Variants in SMAP1 observed in about 807,000 individuals in gnomAD.
SMAP1 encodes stromal membrane-associated protein 1.
Under a neutral mutation model 58.5 loss-of-function variants are expected in SMAP1, and 24 were observed. That is an observed-to-expected ratio of 0.41 (90% CI 0.30 to 0.58). The LOEUF (loss-of-function observed/expected upper bound fraction) is 0.58. SMAP1 is among the 20% of genes least tolerant of loss of function. The probability of loss-of-function intolerance (pLI) is 0.29; values close to 1 mark genes in which losing one functional copy is unlikely to be tolerated. For synonymous variants in SMAP1, 216 were observed against 196.6 expected, an observed-to-expected ratio of 1.10 and a Z score of -0.82; for missense variants, 563 against 566.3, an observed-to-expected ratio of 0.99 and a Z score of 0.06.
At chr6:70,669,816 C>T (rs1766190153) in intron 1 of SMAP1, among the ~76,000 whole-genome samples, 1 of 152,214 alleles carries the variant, frequency 6.6e-6, no homozygotes, top group Admixed American at 6.5e-5. Flanking sequence ...AACCTTCCTT[C>T]ATCTACAGAC....
chr6:70,686,959 T>C (rs932064750), intron 1 of SMAP1, among the ~76,000 whole-genome samples: 8 of 152,170 alleles, frequency 5.3e-5, no homozygotes, highest in African/African-American at 1.7e-4. Flanking sequence ...AATATACTGA[T>C]GATGATGATT....
At chr6:70,768,424 C>G (rs1190985454) in intron 3 of SMAP1, among the ~76,000 whole-genome samples, 1 of 152,166 alleles carries the variant, frequency 6.6e-6, no homozygotes, top group African/African-American at 2.4e-5. Flanking sequence ...GCCACAATTT[C>G]AGCTCCTGTT....
chr6:70,684,533 A>G (rs1766853755), intron 1 of SMAP1, among the ~76,000 whole-genome samples: 1 of 152,238 alleles, frequency 6.6e-6, no homozygotes, highest in Admixed American at 6.5e-5. Context: ...CTTTTATTTT[A>G]TAACATTCTA....
In SMAP1 at chr6:70,824,891, G is replaced by A. The variant is rs978990423; in HGVS notation, c.577-12050G>A. 2.0e-5 allele frequency among the ~76,000 whole-genome samples: 3 copies of A among 152,182 alleles called. No individual in the cohort carries two copies. In the East Asian group the frequency reaches 5.8e-4, roughly 29 times the overall value. ...AAGTGACATGAGTAAGATAGGATAG[G>A]ATATTTTGGTCTTCCTTGTTTCTTA... On this transcript the variant is annotated intron_variant, in intron 6 of 10. Transcript: ENST00000370455.
At chr6:70,750,221 AAC>A (rs1224355211) in intron 2 of SMAP1, among the ~76,000 whole-genome samples, 1 of 152,208 alleles carries the variant, frequency 6.6e-6, no homozygotes, top group African/African-American at 2.4e-5. Context: ...GTTGACATAA[AAC>A]AGTGATTTTT....
At position 70,796,254 on chromosome 6, in the gene SMAP1, C is replaced by T. The variant is rs944034419; in HGVS notation, c.496-2403C>T. 2.6e-5 allele frequency among the ~76,000 whole-genome samples: 4 copies of T among 152,250 alleles called. No individual in the cohort carries two copies. In the East Asian group the frequency reaches 7.7e-4, roughly 29 times the overall value. ...ATAGTAACGGTTCAGAAAGTATTAG[C>T]TGTTACTGTAAGGAATAATAACAGC... On this transcript the variant is annotated intron_variant, in intron 5 of 10. Coordinates refer to ENST00000370455, the MANE Select transcript of SMAP1 (RefSeq NM_001044305.3).
intron 3 of SMAP1, among the ~76,000 whole-genome samples, chr6:70,765,242 C>T (rs1766918050): frequency 6.6e-6 from 1 of 152,180 alleles, no homozygotes; most frequent in South Asian, 2.1e-4. Flanking sequence ...CATATAGAGC[C>T]TCACTTAATG....
At chr6:70,841,099 T>TA (rs1770786045) in intron 7 of SMAP1, among the ~76,000 whole-genome samples, 2 of 152,364 alleles carry the variant, frequency 1.3e-5, no homozygotes, top group Admixed American at 6.5e-5. Context: ...CTAATGCTTC[T>TA]ATTCAATGGG....
chr6:70,783,714 G>A (rs903988405), intron 4 of SMAP1, among the ~76,000 whole-genome samples: 23 of 152,252 alleles, frequency 1.5e-4, no homozygotes, highest in African/African-American at 5.1e-4. Flanking sequence ...GATGGAAGAC[G>A]AAATGAATGA....
intron 2 of SMAP1, among the ~76,000 whole-genome samples, chr6:70,737,977 C>T (rs1765678751): frequency 6.6e-6 from 1 of 152,090 alleles, no homozygotes; most frequent in Non-Finnish European, 1.5e-5. Flanking sequence ...TATGCAGGTA[C>T]TAGAAAGGCA....
At chr6:70,805,901 CTGTGTGAGG>C (rs1270936099) in intron 6 of SMAP1, among the ~76,000 whole-genome samples, 1 of 152,170 alleles carries the variant, frequency 6.6e-6, no homozygotes, top group African/African-American at 2.4e-5. Flanking sequence ...GGGTACCCAC[CTGTGTGAGG>C]TGTCTGTCGG....
intron 6 of SMAP1, among the ~76,000 whole-genome samples, chr6:70,817,138 A>ATTTT (rs34064328): frequency 7.1e-6 from 1 of 140,512 alleles, no homozygotes; most frequent in African/African-American, 2.8e-5. Context: ...ATATATATAT[A>ATTTT]TTTTTTTTTT....
intron 7 of SMAP1, among the ~76,000 whole-genome samples, chr6:70,841,351 G>A (rs1770798766): frequency 6.6e-6 from 1 of 152,174 alleles, no homozygotes; most frequent in Non-Finnish European, 1.5e-5. Context: ...GTTACCCACA[G>A]TCCTACCAGA....
At chr6:70,697,392 G>A (rs1232029123) in intron 1 of SMAP1, among the ~76,000 whole-genome samples, 4 of 150,888 alleles carry the variant, frequency 2.7e-5, no homozygotes, top group Non-Finnish European at 2.9e-5. Context: ...TGCAACCTCC[G>A]CCTCCTAGGT....
At chr6:70,842,202 A>T (rs1770830296) in intron 7 of SMAP1, among the ~76,000 whole-genome samples, 1 of 152,224 alleles carries the variant, frequency 6.6e-6, no homozygotes, top group East Asian at 1.9e-4. Context: ...TTTTTCAGAG[A>T]TGGTTTAAAA....
At chr6:70,691,836 C>T (rs35528153) in intron 1 of SMAP1, among the ~76,000 whole-genome samples, 14,435 of 152,096 alleles carry the variant, frequency 0.095, 865 homozygotes, top group Admixed American at 0.15. Context: ...GTATATGTAC[C>T]ACGTTGTCTT....
intron 6 of SMAP1, among the ~76,000 whole-genome samples, chr6:70,813,172 T>G (rs541407627): frequency 3.9e-5 from 6 of 152,270 alleles, no homozygotes; most frequent in African/African-American, 1.4e-4. Context: ...AAGCATTTAT[T>G]TTACCTTTAA....
chr6:70,748,558 T>C (rs961210578), intron 2 of SMAP1, among the ~76,000 whole-genome samples: 2 of 152,070 alleles, frequency 1.3e-5, no homozygotes, highest in African/African-American at 4.8e-5. Flanking sequence ...TTCATGATCT[T>C]TTTGATTTAT....
intron 6 of SMAP1, among the ~76,000 whole-genome samples, chr6:70,832,933 T>C (rs1344075047): frequency 6.6e-6 from 1 of 152,220 alleles, no homozygotes; most frequent in Non-Finnish European, 1.5e-5. Context: ...CCTGAGTCTG[T>C]ATTTTAAGTT....
Sources: allele counts gnomAD v4.1 joint callset (sites outside exome capture counted in the v4.1 genomes callset), GRCh38; gene constraint gnomAD v4.1.1; transcripts MANE v1.5; gene names NCBI Gene and HGNC (gene_info 2026-07-23, HGNC 2026-07-21).